Variants in DLGAP3 observed in about 807,000 individuals in gnomAD.
The protein encoded by DLGAP3 is disks large-associated protein 3.
A neutral mutation model predicts 81.2 loss-of-function variants in DLGAP3; 17 were observed. That is an observed-to-expected ratio of 0.21 (90% CI 0.14 to 0.31). The LOEUF (loss-of-function observed/expected upper bound fraction) is 0.31. Among genes scored for constraint, DLGAP3 ranks in the 10% least tolerant of loss-of-function variants. DLGAP3 has a pLI of 1.00. For missense variants in DLGAP3, 1,124 were observed against 1,388.0 expected (o/e 0.81, Z 3.02); for synonymous variants, 577 against 587.4 (o/e 0.98, Z 0.26).
At position 34,904,763 on chromosome 1, in the gene DLGAP3, TC is replaced by T; in HGVS notation, c.620del (p.Gly207GlufsTer93). On this transcript the variant is annotated frameshift_variant, in exon 3 of 12. Coordinates refer to ENST00000373347, the MANE Select transcript of DLGAP3 (RefSeq NM_001080418.3). LOFTEE classifies it high-confidence loss of function. This position sits in a 1 kb window ranked among gnomAD's most constrained non-coding sequence, Gnocchi z 8.1. ...GPKAEGRGGS[G>X]GDSYPGPGSG... ...AGCCCGGGCCGGGGTAGCTGTCTCC[TC>T]CAGAGCCACCTCTTCCCTCAGCCTT... 1 of 1,611,294 alleles carries T rather than the reference TC, an allele frequency of 6.2e-7. No homozygotes were observed.
intron 8 of DLGAP3, among the ~76,000 whole-genome samples, chr1:34,879,319 T>G (rs1206626333): frequency 6.6e-6 from 1 of 152,118 alleles, no homozygotes; most frequent in Non-Finnish European, 1.5e-5. Context: ...AAACATTAGA[T>G]TCTCATAAGG....
rs1639470431 is a variant in DLGAP3 at position 34,902,178 on chromosome 1, A to G, written c.1108-1905T>C. Among the ~76,000 whole-genome samples the G allele has an allele frequency of 1.3e-5, 2 of 151,976 alleles. No homozygotes were observed. Among genetic ancestry groups the G allele is most frequent in the Admixed American group, 6.6e-5 (1 of 15,264 alleles). ...GGGGAGAGGACTGGGGGAGGTAGGG[A>G]GGATTTAAAACACTTGTGTAAAGAA... On this transcript the variant is annotated intron_variant, in intron 3 of 11. Coordinates refer to ENST00000373347, the MANE Select transcript of DLGAP3 (RefSeq NM_001080418.3). This position sits in a 1 kb window ranked among gnomAD's most constrained non-coding sequence, Gnocchi z 4.4.
At chr1:34,913,540 C>T (rs1004851661) in intron 1 of DLGAP3, among the ~76,000 whole-genome samples, 4 of 152,156 alleles carry the variant, frequency 2.6e-5, no homozygotes, top group African/African-American at 9.7e-5. Flanking sequence ...TGCTTCATTG[C>T]CCTCAGAGCA....
In DLGAP3 at chr1:34,900,037, C is replaced by G. The variant is rs1424608510; in HGVS notation, c.1313+31G>C. 3 of 1,591,602 alleles carry G rather than the reference C, an allele frequency of 1.9e-6. No homozygotes were observed. The highest frequency in any genetic ancestry group is 2.6e-6 in the Non-Finnish European group (3 of 1,164,820). ...CAGGAGTCCAGCATCAGCCTCCTGA[C>G]CCCGCACCCCCCGGCCCTCCCTGTC... On this transcript the variant is annotated intron_variant, in intron 4 of 11. Transcript: ENST00000373347. The surrounding 1 kb of genome is among the most constrained non-coding windows in gnomAD (Gnocchi z 5.6).
chr1:34,893,170 C>T (rs1454253998), intron 5 of DLGAP3, among the ~76,000 whole-genome samples: 2 of 95,270 alleles, frequency 2.1e-5, no homozygotes, highest in Non-Finnish European at 2.0e-5. Context: ...CAGAGCGAGA[C>T]TCCGTCTCAA....
At chr1:34,928,139 A>G (rs1032554299) in intron 1 of DLGAP3, among the ~76,000 whole-genome samples, 7 of 152,146 alleles carry the variant, frequency 4.6e-5, no homozygotes, top group Non-Finnish European at 8.8e-5. Flanking sequence ...AACTAATATG[A>G]GGGCATTATT....
At position 34,865,726 on chromosome 1, in the gene DLGAP3, A is replaced by AG. The variant is rs957217470; in HGVS notation, c.*356dup. Reference sequence around the variant, plus strand: ...GAAGCCCAGCCCCGCGGGGTGGGGGAGGGGGGGACGCAGAGCCCAGATGAG... The same window carrying AG: ...GAAGCCCAGCCCCGCGGGGTGGGGGAGGGGGGGGACGCAGAGCCCAGATGAG... On this transcript the variant is annotated 3_prime_UTR_variant, in exon 12 of 12. Coordinates refer to ENST00000373347, the MANE Select transcript of DLGAP3 (RefSeq NM_001080418.3). 41 of 312,160 alleles carry AG rather than the reference A, an allele frequency of 1.3e-4. 1 individual carries two copies. The highest frequency in any genetic ancestry group is 6.8e-4 in the African/African-American group (23 of 33,956). 19.3% of individuals were successfully genotyped at this position (312,160 alleles called of 1,614,324 possible). A position where few individuals can be genotyped will look rare whatever the true frequency, so the allele number is the denominator to read the frequency against.
intron 1 of DLGAP3, among the ~76,000 whole-genome samples, chr1:34,910,012 T>C (rs1639615793): frequency 6.6e-6 from 1 of 152,194 alleles, no homozygotes; most frequent in Non-Finnish European, 1.5e-5. Flanking sequence ...GGGAAAGATT[T>C]TGCCTTTGTG....
chr1:34,869,140 C>T (rs770478394), intron 8 of DLGAP3, 51 bp from the exon 9 acceptor site: 2 of 1,373,896 alleles, frequency 1.5e-6, no homozygotes, highest in Non-Finnish European at 2.0e-6. Flanking sequence ...CATGCCAGCT[C>T]TCACCCCCAC....
At chr1:34,920,035 G>C (rs149571228) in intron 1 of DLGAP3, among the ~76,000 whole-genome samples, 1 of 152,278 alleles carries the variant, frequency 6.6e-6, no homozygotes, top group Non-Finnish European at 1.5e-5. Context: ...ATTAGAAGCT[G>C]CCTAAGTATG....
intron 1 of DLGAP3, among the ~76,000 whole-genome samples, chr1:34,914,237 C>G (rs1330069250): frequency 6.6e-6 from 1 of 152,228 alleles, no homozygotes; most frequent in Non-Finnish European, 1.5e-5. Flanking sequence ...ACAATTCAGC[C>G]TGATCAGCCT....
intron 5 of DLGAP3, among the ~76,000 whole-genome samples, chr1:34,893,460 C>A (rs1213141305): frequency 6.6e-6 from 1 of 152,104 alleles, no homozygotes; most frequent in Admixed American, 6.5e-5. Flanking sequence ...ATAAAGAGCA[C>A]CAGAAATGGT....
Position 34,904,726 on chromosome 1 carries a change from G to A in DLGAP3, c.658C>T (p.His220Tyr). The A allele has an allele frequency of 6.2e-7, 1 of 1,612,768 alleles. No homozygotes were observed. Among genetic ancestry groups the A allele is most frequent in the East Asian group, 2.2e-5 (1 of 44,878 alleles). ...TGGTGATGGTGGTGATGGGAGGTGT[G>A]GGGGCCTCCAGAGCCCGGGCCGGGG... is the stretch of plus-strand genomic sequence containing the variant. Reference protein sequence around the residue: ...SYPGPGSGGPHTSHHHHHHHH... With the variant: ...SYPGPGSGGPYTSHHHHHHHH... The change falls in exon 3 of 12, where the codon CAC becomes TAC. Residue 220 changes from histidine (H) to tyrosine (Y), a missense_variant. By Grantham distance (83) the His-to-Tyr change is moderately conservative. This residue lies in a region of DLGAP3 where 357 missense variants were observed against 408.8 expected (regional missense o/e 0.87). Transcript: ENST00000373347. The surrounding 1 kb of genome is among the most constrained non-coding windows in gnomAD (Gnocchi z 8.1).
At chr1:34,875,978 T>A (rs1043960547) in intron 8 of DLGAP3, among the ~76,000 whole-genome samples, 3 of 152,274 alleles carry the variant, frequency 2.0e-5, no homozygotes, top group Non-Finnish European at 4.4e-5. Context: ...CGCTCCTTTG[T>A]GGCAGCCGGC....
intron 5 of DLGAP3, 128 bp downstream of exon 5, chr1:34,899,541 C>G: frequency 1.1e-6 from 1 of 869,926 alleles, no homozygotes; most frequent in South Asian, 1.3e-5. Context: ...AGGCAGGTTT[C>G]CCAGTTTCCC....
intron 1 of DLGAP3, among the ~76,000 whole-genome samples, chr1:34,918,828 A>C (rs946404103): frequency 1.3e-5 from 2 of 152,146 alleles, no homozygotes; most frequent in Admixed American, 1.3e-4. Context: ...GCACACTCCG[A>C]GGCCAGAGCT....
In DLGAP3 at chr1:34,868,878, C is replaced by A; in HGVS notation, c.2212G>T (p.Ala738Ser). The stretch of plus-strand genomic sequence containing the variant: ...GGCAGTGGGTAGCCCTCGCGGTAGG[C>A]CCACTGGCCCTGCGTGTGGACCGTG... Reference protein sequence around the residue: ...FRTVHTQGQWAYREGYPLPYE... With the variant: ...FRTVHTQGQWSYREGYPLPYE... The change falls in exon 9 of 12, where the codon GCC (alanine) becomes TCC (serine). Residue 738 changes from alanine (A) to serine (S), a missense_variant. Physicochemically the swap from Ala to Ser is moderately conservative, Grantham distance 99. Coordinates refer to ENST00000373347, the MANE Select transcript of DLGAP3 (RefSeq NM_001080418.3). The surrounding 1 kb of genome is among the most constrained non-coding windows in gnomAD (Gnocchi z 7.5). The A allele has an allele frequency of 6.3e-7, 1 of 1,595,982 alleles. No individual in the cohort carries two copies. The highest frequency in any genetic ancestry group is 2.2e-5 in the East Asian group (1 of 44,600).
Position 34,886,835 on chromosome 1 carries a change from T to C in DLGAP3, c.1387-550A>G, listed in dbSNP as rs990461401. Among the ~76,000 whole-genome samples, 3 of 150,362 alleles carry C rather than the reference T, an allele frequency of 2.0e-5. No individual in the cohort carries two copies. In the South Asian group the frequency reaches 6.3e-4, roughly 31 times the overall value. On this transcript the variant is annotated intron_variant, in intron 5 of 11. Coordinates refer to ENST00000373347, the MANE Select transcript of DLGAP3 (RefSeq NM_001080418.3). Reference sequence around the variant, plus strand: ...ATATACTATATATATACACTACATGTATATATGCTATATATATATAAAATA... The same window carrying C: ...ATATACTATATATATACACTACATGCATATATGCTATATATATATAAAATA...
intron 5 of DLGAP3, among the ~76,000 whole-genome samples, chr1:34,887,282 C>T (rs1639249060): frequency 6.6e-6 from 1 of 152,054 alleles, no homozygotes; most frequent in Admixed American, 6.5e-5. Flanking sequence ...TCTATCCACT[C>T]ACTCGGGTTC....
Sources: allele counts gnomAD v4.1 joint callset (sites outside exome capture counted in the v4.1 genomes callset), GRCh38; gene constraint gnomAD v4.1.1; regional missense constraint gnomAD v4.1.1; non-coding constraint Gnocchi (gnomAD v3.1); transcripts MANE v1.5; gene names NCBI Gene and HGNC (gene_info 2026-07-23, HGNC 2026-07-21).